STX18: variants seen among roughly 807,000 people sequenced by gnomAD.
STX18 encodes syntaxin 18, also known as syntaxin-18.
In STX18, 40 loss-of-function variants were observed where a neutral mutation model predicts 50.1. That is an observed-to-expected ratio of 0.80 (90% confidence interval 0.62 to 1.04). The LOEUF (loss-of-function observed/expected upper bound fraction) is 1.04. Ranked by LOEUF, STX18 falls within the 50% of genes least tolerant of loss-of-function variation. The pLI, the probability that STX18 is intolerant of heterozygous loss-of-function variation, is 0.00. For missense variants in STX18, 410 were observed against 415.8 expected, an observed-to-expected ratio of 0.99 and a Z score of 0.12; for synonymous variants, 158 against 151.8, an observed-to-expected ratio of 1.04 and a Z score of -0.30.
chr4:4,452,486 T>C (rs1205476134), intron 5 of STX18, among the ~76,000 whole-genome samples: 1 of 152,146 alleles, frequency 6.6e-6, no homozygotes, highest in African/African-American at 2.4e-5. Flanking sequence ...GTGACTTTCT[T>C]GTTAAGGGCT....
At chr4:4,527,875 T>C (rs1022565326) in intron 1 of STX18, among the ~76,000 whole-genome samples, 1 of 148,890 alleles carries the variant, frequency 6.7e-6, no homozygotes, top group Non-Finnish European at 1.5e-5. Context: ...CACATATATA[T>C]ATATATTAAA....
chr4:4,524,476 C>T (rs1730658492), intron 1 of STX18, among the ~76,000 whole-genome samples: 1 of 152,216 alleles, frequency 6.6e-6, no homozygotes. Flanking sequence ...ATAAGAATAT[C>T]ACTCAATTTG....
intron 5 of STX18, among the ~76,000 whole-genome samples, chr4:4,442,190 G>A (rs1434851653): frequency 2.0e-5 from 3 of 152,090 alleles, no homozygotes; most frequent in African/African-American, 7.2e-5. Context: ...TATATGATAT[G>A]GTTTAATAAG....
intron 1 of STX18, among the ~76,000 whole-genome samples, chr4:4,537,790 T>G (rs1731409954): frequency 6.6e-6 from 1 of 152,160 alleles, no homozygotes; most frequent in Non-Finnish European, 1.5e-5. Context: ...TTCCCCAAGT[T>G]CATATAACAG....
At chr4:4,507,010 A>C (rs1442639918) in intron 1 of STX18, 3 of 391,924 alleles carry the variant, frequency 7.7e-6, no homozygotes, top group African/African-American at 6.3e-5. Context: ...ACTGTATGCT[A>C]ATCTACAAAT....
intron 1 of STX18, among the ~76,000 whole-genome samples, chr4:4,483,971 C>T (rs1728579179): frequency 6.6e-6 from 1 of 152,106 alleles, no homozygotes; most frequent in Non-Finnish European, 1.5e-5. Context: ...AAGTGATTCT[C>T]CTGCCTCAGC....
intron 1 of STX18, among the ~76,000 whole-genome samples, chr4:4,484,906 C>T (rs905869621): frequency 4.6e-5 from 7 of 152,122 alleles, no homozygotes; most frequent in South Asian, 2.1e-4. Context: ...ACATTAAGGA[C>T]GGAGGTAATA....
chr4:4,428,119 G>T (rs1725344401), intron 7 of STX18, among the ~76,000 whole-genome samples: 1 of 152,244 alleles, frequency 6.6e-6, no homozygotes, highest in South Asian at 2.1e-4. Flanking sequence ...TTCCAACGCT[G>T]TCTAAATGGC....
chr4:4,453,233 T>C (rs1483700230), intron 5 of STX18, among the ~76,000 whole-genome samples: 1 of 152,232 alleles, frequency 6.6e-6, no homozygotes. Flanking sequence ...GGTAAAATGC[T>C]ATCAAACAGC....
intron 1 of STX18, among the ~76,000 whole-genome samples, chr4:4,480,303 T>C (rs1277769173): frequency 6.6e-6 from 1 of 152,204 alleles, no homozygotes; most frequent in Non-Finnish European, 1.5e-5. Flanking sequence ...GTACATTACC[T>C]TCCCCTTTAA....
chr4:4,532,448 C>A (rs7684723), intron 1 of STX18, among the ~76,000 whole-genome samples: 33,079 of 137,040 alleles, frequency 0.24, 3,945 homozygotes, highest in African/African-American at 0.39. Flanking sequence ...ACTTTGAAAA[C>A]AACAACAACA....
chr4:4,506,353 T>C (rs1729706153), intron 1 of STX18, among the ~76,000 whole-genome samples: 1 of 152,230 alleles, frequency 6.6e-6, no homozygotes, highest in Admixed American at 6.5e-5. Context: ...TACTACTTAG[T>C]AATAAAGAAG....
At chr4:4,446,200 A>C (rs763733271) in intron 5 of STX18, among the ~76,000 whole-genome samples, 3 of 152,218 alleles carry the variant, frequency 2.0e-5, no homozygotes, top group Non-Finnish European at 4.4e-5. Flanking sequence ...CCTATCAAAA[A>C]GTTGGTCTGA....
intron 1 of STX18, among the ~76,000 whole-genome samples, chr4:4,521,492 T>C (rs1462563757): frequency 6.6e-6 from 1 of 152,114 alleles, no homozygotes; most frequent in East Asian, 1.9e-4. Context: ...GTTAAGCTTT[T>C]AGAGCGGGGG....
intron 1 of STX18, among the ~76,000 whole-genome samples, chr4:4,489,353 G>C (rs1728835721): frequency 6.9e-6 from 1 of 144,550 alleles, no homozygotes. Context: ...AGTGAACAAG[G>C]CAAGAAACTC....
At chr4:4,500,502 C>T (rs1045136264) in intron 1 of STX18, among the ~76,000 whole-genome samples, 1 of 152,134 alleles carries the variant, frequency 6.6e-6, no homozygotes, top group Non-Finnish European at 1.5e-5. Flanking sequence ...AGGTTATACA[C>T]AAATACTGCA....
Position 4,457,182 on chromosome 4 carries a change from A to G in STX18, c.497+9T>C. ...TTAATTAAGAAACACCAATGAAAGC[A>G]ATACTTACAATCTTTTCTTATCCAC... On this transcript the variant is annotated intron_variant, in intron 5 of 10. Coordinates refer to ENST00000306200, the MANE Select transcript of STX18 (RefSeq NM_016930.4). 6.2e-7 allele frequency: 1 copy of G among 1,612,010 alleles called. No individual in the cohort carries two copies. The highest frequency in any genetic ancestry group is 1.7e-4 in the Middle Eastern group (1 of 6,054).
chr4:4,422,482 T>A lies in STX18; in HGVS notation c.831+1036A>T, dbSNP rs189925319. 2.2e-3 allele frequency among the ~76,000 whole-genome samples: 321 copies of A among 148,932 alleles called. 6 individuals carry two copies. Among genetic ancestry groups the A allele is most frequent in the East Asian group, 0.011 (56 of 5,046 alleles). On this transcript the variant is annotated intron_variant, in intron 9 of 10. Transcript: ENST00000306200. ...CAAGAGGCTGACTGAGGCAGGAGAA[T>A]CGCTTGAACCTGGGAGGATGAGGTT...
intron 1 of STX18, among the ~76,000 whole-genome samples, chr4:4,540,574 CCA>C (rs1268327056): frequency 6.6e-6 from 1 of 152,154 alleles, no homozygotes; most frequent in Non-Finnish European, 1.5e-5. Context: ...GTAGAACTGA[CCA>C]CATTCTTTTT....
Sources: allele counts gnomAD v4.1 joint callset (sites outside exome capture counted in the v4.1 genomes callset), GRCh38; gene constraint gnomAD v4.1.1; transcripts MANE v1.5; gene names NCBI Gene and HGNC (gene_info 2026-07-23, HGNC 2026-07-21).